The following DLGAP2 variants were observed in gnomAD, a reference collection of about 807,000 sequenced individuals.
DLGAP2 encodes DLG associated protein 2, also known as disks large-associated protein 2.
Under a neutral mutation model 100.3 loss-of-function variants are expected in DLGAP2, and 26 were observed. That is an observed-to-expected ratio of 0.26 (90% CI 0.19 to 0.36). DLGAP2 has a LOEUF of 0.36. DLGAP2 is among the 10% of genes least tolerant of loss of function. The pLI is 1.00. For synonymous variants in DLGAP2, 886 were observed against 630.1 expected (o/e 1.41, Z -6.08); for missense variants, 1,858 against 1,453.2 (o/e 1.28, Z -4.53).
chr8:1,678,707 G>T, intron 12 of DLGAP2, 78 bp downstream of exon 12: 3 of 1,371,906 alleles, frequency 2.2e-6, no homozygotes, highest in Non-Finnish European at 2.8e-6. Context: ...AGCATTAGTG[G>T]AGAAAAGTTC....
At position 990,317 on chromosome 8, in the gene DLGAP2, TGCACCC is replaced by T. The variant is rs1563131716; in HGVS notation, c.73+82352_73+82357del. Among the ~76,000 whole-genome samples the T allele has an allele frequency of 3.5e-4, 52 of 146,864 alleles. 2 individuals are homozygous for T. Among genetic ancestry groups the T allele is most frequent in the African/African-American group, 1.3e-3 (49 of 38,944 alleles). ...TTCTATGAAAGTGGCCCAGACCCCCTGCACCCCCATACTCGGAGTTCCTGTTCTTCT... is the reference window on the plus strand; with the variant it reads ...TTCTATGAAAGTGGCCCAGACCCCCTCCATACTCGGAGTTCCTGTTCTTCT... On this transcript the variant is annotated intron_variant, in intron 2 of 14. Transcript: ENST00000637795.
intron 3 of DLGAP2, among the ~76,000 whole-genome samples, chr8:1,331,016 C>G (rs552521873): frequency 3.5e-5 from 5 of 144,778 alleles, no homozygotes; most frequent in African/African-American, 1.2e-4. Flanking sequence ...GGACTGAGTT[C>G]TGGGTGGGAG....
intron 10 of DLGAP2, among the ~76,000 whole-genome samples, chr8:1,670,805 C>G (rs372100527): frequency 2.6e-5 from 4 of 152,252 alleles, no homozygotes; most frequent in African/African-American, 7.2e-5. Flanking sequence ...TGGAGCAGCT[C>G]CAGTGTCAGG....
At chr8:1,069,904 C>T (rs571342039) in intron 2 of DLGAP2, among the ~76,000 whole-genome samples, 5 of 152,296 alleles carry the variant, frequency 3.3e-5, no homozygotes, top group South Asian at 4.1e-4. Context: ...TTTCCCCTCC[C>T]GTCCTCCTTT....
chr8:1,311,312 C>G (rs1267853582), intron 3 of DLGAP2, among the ~76,000 whole-genome samples: 1 of 152,046 alleles, frequency 6.6e-6, no homozygotes, highest in Non-Finnish European at 1.5e-5. Flanking sequence ...AAGAAATATC[C>G]AGAATCAGAT....
Position 1,376,770 on chromosome 8 carries a change from C to T in DLGAP2, c.106+117887C>T, listed in dbSNP as rs113787410. Among the ~76,000 whole-genome samples, 658 of 93,234 alleles carry T rather than the reference C, an allele frequency of 7.1e-3. 10 individuals are homozygous for T. The highest frequency in any genetic ancestry group is 0.016 in the Middle Eastern group (3 of 188). 61.2% of individuals were successfully genotyped at this position (93,234 alleles called of 152,430 possible). On this transcript the variant is annotated intron_variant, in intron 3 of 14. Coordinates refer to ENST00000637795, the MANE Select transcript of DLGAP2 (RefSeq NM_001346810.2). Reference sequence around the variant, plus strand: ...CGGCGGATGGCGGGGACAGGGCTACCGAGACCCTCAACCTGAGCCCGGTGG... The same window carrying T: ...CGGCGGATGGCGGGGACAGGGCTACTGAGACCCTCAACCTGAGCCCGGTGG...
At chr8:863,893 A>G in intron 1 of DLGAP2, among the ~76,000 whole-genome samples, 1 of 152,178 alleles carries the variant, frequency 6.6e-6, no homozygotes, top group East Asian at 1.9e-4. Flanking sequence ...TGTGTGGAAG[A>G]GAATCGGCCC....
chr8:944,670 A>G (rs60155035), intron 2 of DLGAP2, among the ~76,000 whole-genome samples: 25,091 of 150,924 alleles, frequency 0.17, 2,086 homozygotes, highest in East Asian at 0.31. Flanking sequence ...GGTGGTAATG[A>G]TCCCTGCGGG....
intron 1 of DLGAP2, among the ~76,000 whole-genome samples, chr8:798,767 A>C (rs58861574): frequency 7.5e-5 from 10 of 132,906 alleles, no homozygotes; most frequent in South Asian, 2.5e-4. Flanking sequence ...ACGCTTGTTG[A>C]GTCAGGACCT....
At chr8:804,213 C>A (rs1796223953) in intron 1 of DLGAP2, among the ~76,000 whole-genome samples, 1 of 152,176 alleles carries the variant, frequency 6.6e-6, no homozygotes, top group African/African-American at 2.4e-5. Context: ...GGAGTCAGAG[C>A]TATTCTAGAT....
At chr8:1,660,157 T>G (rs1798377015) in intron 8 of DLGAP2, among the ~76,000 whole-genome samples, 1 of 152,202 alleles carries the variant, frequency 6.6e-6, no homozygotes, top group Admixed American at 6.5e-5. Context: ...TTTAAGAATG[T>G]TGAATATTGG....
chr8:1,067,891 A>C (rs1017498189), intron 2 of DLGAP2, among the ~76,000 whole-genome samples: 7 of 150,336 alleles, frequency 4.7e-5, no homozygotes, highest in East Asian at 2.0e-4. Context: ...ATGACGACAC[A>C]CCCCCCCATT....
chr8:1,079,520 A>G (rs960642831), intron 2 of DLGAP2, among the ~76,000 whole-genome samples: 6 of 152,200 alleles, frequency 3.9e-5, no homozygotes, highest in Non-Finnish European at 8.8e-5. Flanking sequence ...ATGTGGCCCT[A>G]TAAGCTCCCT....
At chr8:1,188,436 CT>C (rs1396664549) in intron 2 of DLGAP2, among the ~76,000 whole-genome samples, 1 of 119,530 alleles carries the variant, frequency 8.4e-6, no homozygotes, top group African/African-American at 4.3e-5. Flanking sequence ...CGCCCGGGAC[CT>C]CCGTGACGTT....
intron 3 of DLGAP2, among the ~76,000 whole-genome samples, chr8:1,284,673 A>G (rs1799887313): frequency 1.3e-5 from 2 of 152,138 alleles, no homozygotes. Flanking sequence ...CCAGGTTGGA[A>G]TGAAGTGGCA....
chr8:1,579,667 C>T (rs1467909367), intron 6 of DLGAP2, among the ~76,000 whole-genome samples: 1 of 152,154 alleles, frequency 6.6e-6, no homozygotes, highest in East Asian at 1.9e-4. Flanking sequence ...TTATCAATAA[C>T]TAAAACGTTT....
intron 3 of DLGAP2, among the ~76,000 whole-genome samples, chr8:1,341,768 C>G (rs1801423910): frequency 6.6e-6 from 1 of 152,176 alleles, no homozygotes; most frequent in African/African-American, 2.4e-5. Flanking sequence ...TGTCATTTCC[C>G]AGCTGCAGTA....
At chr8:1,350,696 T>C (rs376035511) in intron 3 of DLGAP2, among the ~76,000 whole-genome samples, 7 of 69,528 alleles carry the variant, frequency 1.0e-4, no homozygotes, top group Admixed American at 3.4e-4. Flanking sequence ...GGAAAGGCCG[T>C]GCGGGTCCTG....
intron 2 of DLGAP2, among the ~76,000 whole-genome samples, chr8:969,861 A>T (rs2129012024): frequency 6.6e-6 from 1 of 152,342 alleles, no homozygotes; most frequent in South Asian, 2.1e-4. Flanking sequence ...TGTTATTAGT[A>T]CAGATTAAAC....
Sources: gnomAD v4.1 joint callset for allele counts (sites outside exome capture counted in the v4.1 genomes callset) on GRCh38, gnomAD v4.1.1 for gene constraint, MANE v1.5 for transcripts, NCBI Gene and HGNC (gene_info 2026-07-23, HGNC 2026-07-21) for gene names.